Variants in PGAP4 observed in about 807,000 individuals in gnomAD.
PGAP4 encodes post-GPI attachment to proteins GalNAc transferase 4.
In PGAP4, 12 loss-of-function variants were observed where a neutral mutation model predicts 28.2. The observed-to-expected ratio is 0.42, with a 90% CI of 0.27 to 0.69. The LOEUF is 0.69. Among genes scored for constraint, PGAP4 ranks in the 30% least tolerant of loss-of-function variants. PGAP4 has a pLI of 0.22. For synonymous variants in PGAP4, 205 were observed against 211.8 expected, an observed-to-expected ratio of 0.97 and a Z score of 0.28; for missense variants, 425 against 513.5, an observed-to-expected ratio of 0.83 and a Z score of 1.67.
intron 2 of PGAP4, among the ~76,000 whole-genome samples, chr9:101,510,046 G>T (rs1826882325): frequency 6.6e-6 from 1 of 152,172 alleles, no homozygotes; most frequent in African/African-American, 2.4e-5. Context: ...AAGCATTGTT[G>T]CCTTGTTGTC....
At chr9:101,482,812 T>C (rs1188753677) in intron 1 of PGAP4, among the ~76,000 whole-genome samples, 2 of 152,192 alleles carry the variant, frequency 1.3e-5, no homozygotes, top group Non-Finnish European at 2.9e-5. Context: ...GAACTTTTCC[T>C]CCAGGGCATT....
chr9:101,475,763 C>T lies in PGAP4; in HGVS notation c.*118G>A. 1 of 1,155,474 alleles carries T rather than the reference C, an allele frequency of 8.7e-7. No individual in the cohort carries two copies. Among genetic ancestry groups the T allele is most frequent in the Non-Finnish European group, 1.2e-6 (1 of 806,800 alleles). 71.6% of individuals were successfully genotyped at this position (1,155,474 alleles called of 1,614,324 possible). On this transcript the variant is annotated 3_prime_UTR_variant, in exon 2 of 2. Coordinates refer to ENST00000374848, the MANE Select transcript of PGAP4 (RefSeq NM_032342.3). ...TTGAGGTTCCTCAGCTGCCCCAGTG[C>T]CTATATCTCTAACAACAGTAAACAG...
chr9:101,497,216 A>T (rs1448259130), intron 2 of PGAP4, among the ~76,000 whole-genome samples: 1 of 151,482 alleles, frequency 6.6e-6, no homozygotes, highest in Non-Finnish European at 1.5e-5. Flanking sequence ...AAGTTTATTT[A>T]TAAGCATTTA....
chr9:101,509,165 A>G (rs907434181), intron 2 of PGAP4, among the ~76,000 whole-genome samples: 1 of 152,170 alleles, frequency 6.6e-6, no homozygotes, highest in Non-Finnish European at 1.5e-5. Flanking sequence ...GTGGTTGGGA[A>G]GTAATGCTCA....
At chr9:101,525,014 G>C (rs535112307) in intron 2 of PGAP4, among the ~76,000 whole-genome samples, 4 of 152,148 alleles carry the variant, frequency 2.6e-5, no homozygotes, top group African/African-American at 2.4e-5. Context: ...CCAGTCCTTC[G>C]TTCATGAGCA....
At chr9:101,510,034 AC>A (rs1826882156) in intron 2 of PGAP4, among the ~76,000 whole-genome samples, 1 of 152,208 alleles carries the variant, frequency 6.6e-6, no homozygotes, top group Non-Finnish European at 1.5e-5. Context: ...GTGCACAAAA[AC>A]AAGCATTGTT....
chr9:101,510,791 C>T (rs72743393), intron 2 of PGAP4, among the ~76,000 whole-genome samples: 29,330 of 151,954 alleles, frequency 0.19, 3,639 homozygotes, highest in East Asian at 0.42. Flanking sequence ...AAATAACGGG[C>T]GGGCCACACG....
chr9:101,519,472 T>G (rs978608495), intron 2 of PGAP4, among the ~76,000 whole-genome samples: 1 of 152,182 alleles, frequency 6.6e-6, no homozygotes, highest in Admixed American at 6.5e-5. Context: ...TTTGTTTGTT[T>G]CTTACTGATT....
intron 2 of PGAP4, among the ~76,000 whole-genome samples, chr9:101,519,350 G>C (rs995153697): frequency 1.3e-5 from 2 of 152,022 alleles, no homozygotes; most frequent in Non-Finnish European, 2.9e-5. Flanking sequence ...GTCGAGACGG[G>C]GTTTCACTGT....
chr9:101,483,094 T>C (rs1554708169), intron 1 of PGAP4, among the ~76,000 whole-genome samples: 1 of 152,252 alleles, frequency 6.6e-6, no homozygotes, highest in Non-Finnish European at 1.5e-5. Flanking sequence ...GTCCTTGACT[T>C]ACGATCTGAT....
chr9:101,515,145 T>G (rs1456270392), intron 2 of PGAP4, among the ~76,000 whole-genome samples: 1 of 152,210 alleles, frequency 6.6e-6, no homozygotes, highest in Admixed American at 6.5e-5. Context: ...GTGTTATGGA[T>G]TAAAATTAAG....
At chr9:101,533,019 G>C (rs1196463513) in exon 1 of PGAP4, 1 of 152,106 alleles carries the variant, frequency 6.6e-6, no homozygotes, top group African/African-American at 2.4e-5. Context: ...TTCATTAATA[G>C]GTTAGATTAA....
chr9:101,490,423 GA>G (rs1826676001), upstream of PGAP4, among the ~76,000 whole-genome samples: 8 of 151,934 alleles, frequency 5.3e-5, no homozygotes, highest in Non-Finnish European at 1.5e-5. Context: ...CTCCTGACCT[GA>G]AGTGATCTGC....
At chr9:101,492,591 A>C (rs542467952) in intron 2 of PGAP4, among the ~76,000 whole-genome samples, 15 of 152,130 alleles carry the variant, frequency 9.9e-5, no homozygotes, top group African/African-American at 3.4e-4. Flanking sequence ...CATTTTCCTG[A>C]AGATTGTTGG....
At chr9:101,485,336 T>A (rs1439138995) in intron 1 of PGAP4, among the ~76,000 whole-genome samples, 1 of 152,092 alleles carries the variant, frequency 6.6e-6, no homozygotes, top group Non-Finnish European at 1.5e-5. Context: ...ATATATATAT[T>A]TCGATGAGTT....
At chr9:101,522,776 T>C (rs141817195) in intron 2 of PGAP4, among the ~76,000 whole-genome samples, 43 of 152,274 alleles carry the variant, frequency 2.8e-4, no homozygotes, top group African/African-American at 9.4e-4. Context: ...GTACTTTGTG[T>C]GTTTTGTTTT....
chr9:101,491,459 T>C (rs1185708169), upstream of PGAP4, among the ~76,000 whole-genome samples: 4 of 152,252 alleles, frequency 2.6e-5, no homozygotes, highest in East Asian at 5.8e-4. Flanking sequence ...AGTACAATTA[T>C]TGAAATCATT....
chr9:101,513,699 CA>C (rs1047020933), intron 2 of PGAP4, among the ~76,000 whole-genome samples: 1 of 107,316 alleles, frequency 9.3e-6, no homozygotes, highest in African/African-American at 3.8e-5. Context: ...GATAGATAGA[CA>C]GATAGATAAG....
intron 2 of PGAP4, among the ~76,000 whole-genome samples, chr9:101,530,526 T>C (rs1160158694): frequency 2.0e-5 from 3 of 152,258 alleles, no homozygotes; most frequent in African/African-American, 4.8e-5. Context: ...TCATTGCTAA[T>C]GCTGTTTTCC....
Sources: gnomAD v4.1 joint callset for allele counts (sites outside exome capture counted in the v4.1 genomes callset) on GRCh38, gnomAD v4.1.1 for gene constraint, MANE v1.5 for transcripts, NCBI Gene and HGNC (gene_info 2026-07-23, HGNC 2026-07-21) for gene names.